ST7: variants seen among roughly 807,000 people sequenced by gnomAD.
ST7 encodes suppressor of tumorigenicity 7 protein.
ST7 carries 28 observed loss-of-function variants against 78.7 expected under a neutral mutation model. The observed-to-expected ratio is 0.36, with a 90% CI of 0.26 to 0.49. The LOEUF is 0.49. Among genes scored for constraint, ST7 ranks in the 20% least tolerant of loss-of-function variants. The probability of loss-of-function intolerance (pLI) is 0.99; values close to 1 mark genes in which losing one functional copy is unlikely to be tolerated. For missense variants in ST7, 418 were observed against 696.0 expected, an observed-to-expected ratio of 0.60 and a Z score of 4.49; for synonymous variants, 247 against 249.6, an observed-to-expected ratio of 0.99 and a Z score of 0.10.
intron 1 of ST7, among the ~76,000 whole-genome samples, chr7:116,996,758 TAG>T (rs1402120758): frequency 6.6e-6 from 1 of 152,234 alleles, no homozygotes; most frequent in Non-Finnish European, 1.5e-5. Flanking sequence ...TAAAATTGCC[TAG>T]ATGACATTTA....
intron 10 of ST7, among the ~76,000 whole-genome samples, chr7:117,181,696 A>G (rs1808782882): frequency 6.6e-6 from 1 of 152,212 alleles, no homozygotes; most frequent in Non-Finnish European, 1.5e-5. Flanking sequence ...GGAAATAATT[A>G]TGTGGTTTTT....
chr7:117,139,058 C>A (rs1388767929), intron 9 of ST7, among the ~76,000 whole-genome samples: 2 of 151,926 alleles, frequency 1.3e-5, no homozygotes, highest in African/African-American at 2.4e-5. Flanking sequence ...GATTCTTGAA[C>A]CAGGATTCTT....
At chr7:116,988,266 G>C (rs1017866299) in intron 1 of ST7, among the ~76,000 whole-genome samples, 1 of 152,166 alleles carries the variant, frequency 6.6e-6, no homozygotes, top group African/African-American at 2.4e-5. Context: ...GAGTGTTTAC[G>C]TGGATCTCTT....
intron 9 of ST7, among the ~76,000 whole-genome samples, chr7:117,139,609 G>A (rs990883675): frequency 6.6e-6 from 1 of 152,118 alleles, no homozygotes; most frequent in South Asian, 2.1e-4. Flanking sequence ...TCATGCTTTG[G>A]TTTTGGCCAC....
intron 12 of ST7, among the ~76,000 whole-genome samples, chr7:117,207,508 A>G (rs1390402690): frequency 6.6e-6 from 1 of 152,158 alleles, no homozygotes; most frequent in Non-Finnish European, 1.5e-5. Flanking sequence ...AGGTGCCCCT[A>G]TTCCTGAAGG....
At chr7:117,142,871 A>G (rs1318303968) in intron 9 of ST7, among the ~76,000 whole-genome samples, 2 of 152,054 alleles carry the variant, frequency 1.3e-5, no homozygotes, top group South Asian at 2.1e-4. Context: ...CGGCCTCCCA[A>G]AGTGCTGGGA....
At chr7:117,122,920 T>G (rs573823453) in intron 3 of ST7, among the ~76,000 whole-genome samples, 3 of 152,350 alleles carry the variant, frequency 2.0e-5, no homozygotes, top group African/African-American at 2.4e-5. Flanking sequence ...TTTCATAGTC[T>G]CATTTCAAAT....
intron 1 of ST7, among the ~76,000 whole-genome samples, chr7:116,958,012 G>A (rs1404689268): frequency 6.6e-6 from 1 of 152,074 alleles, no homozygotes; most frequent in Admixed American, 6.6e-5. Context: ...TTTGAGACAA[G>A]GTTTCACTCT....
chr7:117,222,101 G>A (rs769850068), intron 15 of ST7, 39 bp downstream of exon 15: 2 of 1,576,478 alleles, frequency 1.3e-6, no homozygotes, highest in South Asian at 1.2e-5. Flanking sequence ...GGGAATGGAT[G>A]GGGAAAGCCA....
At chr7:117,191,590 A>G (rs1285196819) in intron 12 of ST7, 1 of 152,170 alleles carries the variant, frequency 6.6e-6, no homozygotes, top group African/African-American at 2.4e-5. Context: ...CAGGAGATGA[A>G]TGTGTATTTA....
chr7:117,086,849 C>A (rs889500967), intron 1 of ST7, among the ~76,000 whole-genome samples: 1 of 152,114 alleles, frequency 6.6e-6, no homozygotes, highest in Non-Finnish European at 1.5e-5. Flanking sequence ...TCCTTAGGTA[C>A]AAATGCAAAG....
At chr7:116,986,247 G>A (rs1007859106) in intron 1 of ST7, among the ~76,000 whole-genome samples, 1 of 152,218 alleles carries the variant, frequency 6.6e-6, no homozygotes, top group African/African-American at 2.4e-5. Flanking sequence ...ACTGTAAGTG[G>A]AAAGGAGGGG....
At chr7:117,130,355 AT>A (rs2117016271) in intron 4 of ST7, 135 bp from the exon 5 acceptor site, 6 of 507,134 alleles carry the variant, frequency 1.2e-5, no homozygotes, top group Non-Finnish European at 1.7e-5. Flanking sequence ...ATTTTTAAAA[AT>A]TTTTTTTATT....
chr7:117,212,331 G>T (rs1037868667), intron 13 of ST7, among the ~76,000 whole-genome samples: 1 of 152,188 alleles, frequency 6.6e-6, no homozygotes, highest in Non-Finnish European at 1.5e-5. Context: ...AGGTCCTGTG[G>T]CCACTGTTGG....
intron 1 of ST7, among the ~76,000 whole-genome samples, chr7:116,995,060 G>A (rs948388131): frequency 6.6e-6 from 1 of 152,056 alleles, no homozygotes; most frequent in Non-Finnish European, 1.5e-5. Flanking sequence ...GACTTATCTG[G>A]CTGTGCTCCT....
intron 1 of ST7, among the ~76,000 whole-genome samples, chr7:117,010,252 A>G (rs1795334043): frequency 6.6e-6 from 1 of 152,180 alleles, no homozygotes; most frequent in Admixed American, 6.5e-5. Context: ...TTCATAGGGT[A>G]GTTCTTTTAT....
At chr7:117,009,829 A>G (rs1795316040) in intron 1 of ST7, among the ~76,000 whole-genome samples, 1 of 152,124 alleles carries the variant, frequency 6.6e-6, no homozygotes, top group Non-Finnish European at 1.5e-5. Context: ...AGCTGTGGTT[A>G]CTTGATTTTA....
intron 12 of ST7, chr7:117,198,349 C>G: frequency 2.2e-6 from 1 of 456,352 alleles, no homozygotes; most frequent in Non-Finnish European, 4.4e-6. Context: ...TGCCTAGAAA[C>G]ATGCATTAAC....
intron 2 of ST7, among the ~76,000 whole-genome samples, chr7:117,108,251 T>C (rs141268695): frequency 6.6e-6 from 1 of 152,328 alleles, no homozygotes; most frequent in East Asian, 1.9e-4. Flanking sequence ...TGATTCATCT[T>C]GAGGTGATTT....
Sources: allele counts gnomAD v4.1 joint callset (sites outside exome capture counted in the v4.1 genomes callset), GRCh38; gene constraint gnomAD v4.1.1; transcripts MANE v1.5; gene names NCBI Gene and HGNC (gene_info 2026-07-23, HGNC 2026-07-21).